The following PTPRK variants were observed in gnomAD, a reference collection of about 807,000 sequenced individuals.
The protein encoded by PTPRK is receptor-type tyrosine-protein phosphatase kappa.
PTPRK carries 75 observed loss-of-function variants against 178.0 expected under a neutral mutation model. That is an observed-to-expected ratio of 0.42 (90% confidence interval 0.35 to 0.51). The LOEUF (loss-of-function observed/expected upper bound fraction) is 0.51, where lower values mean the gene tolerates loss of function less well. Among genes scored for constraint, PTPRK ranks in the 20% least tolerant of loss-of-function variants. PTPRK has a pLI of 0.02. For synonymous variants in PTPRK, 637 were observed against 620.6 expected (o/e 1.03, Z -0.39); for missense variants, 1,441 against 1,797.8 (o/e 0.80, Z 3.59).
chr6:128,103,981 C>T (rs1461129649), intron 7 of PTPRK, among the ~76,000 whole-genome samples: 1 of 152,164 alleles, frequency 6.6e-6, no homozygotes, highest in East Asian at 1.9e-4. Context: ...TTGCTTGCTC[C>T]GTTCAAACAT....
At chr6:128,006,844 T>C (rs1778486061) in intron 14 of PTPRK, among the ~76,000 whole-genome samples, 2 of 150,960 alleles carry the variant, frequency 1.3e-5, no homozygotes, top group Admixed American at 1.3e-4. Flanking sequence ...AAAACTTACT[T>C]TATACATATC....
rs773698981 is a variant in PTPRK at position 128,038,874 on chromosome 6, TATC to T, written c.2194+25881_2194+25883del. Among the ~76,000 whole-genome samples the T allele has an allele frequency of 3.3e-5, 5 of 152,340 alleles. No homozygotes were observed. In the East Asian group the frequency reaches 5.8e-4, roughly 18 times the overall value. ...GCAACAATTTTACAACAAGCAGTGT[TATC>T]ATTAACTGAATCATGTTATGATGAA... On this transcript the variant is annotated intron_variant, in intron 13 of 29. Coordinates refer to ENST00000368226, the MANE Select transcript of PTPRK (RefSeq NM_002844.4).
intron 3 of PTPRK, among the ~76,000 whole-genome samples, chr6:128,248,295 ACATATATGTG>A: frequency 6.6e-6 from 1 of 152,198 alleles, no homozygotes; most frequent in Non-Finnish European, 1.5e-5. Flanking sequence ...TATACACATT[ACATATATGTG>A]CATATATATA....
chr6:128,319,667 C>T lies in PTPRK; in HGVS notation c.495+2372G>A, dbSNP rs1159938945. On this transcript the variant is annotated intron_variant, in intron 3 of 29. Transcript: ENST00000368226. ...TAAAACACCAATCAAAAAATTCTAC[C>T]GTGTTTTGCCAGCAAACCAGCACTT... is the stretch of plus-strand genomic sequence containing the variant. Among the ~76,000 whole-genome samples, 6 of 152,030 alleles carry T rather than the reference C, an allele frequency of 3.9e-5. No individual in the cohort carries two copies. The East Asian group carries it at 7.7e-4, about 19-fold the overall frequency.
intron 1 of PTPRK, among the ~76,000 whole-genome samples, chr6:128,439,014 G>A (rs1473078067): frequency 1.3e-5 from 2 of 152,088 alleles, no homozygotes; most frequent in African/African-American, 4.8e-5. Context: ...TTAAACAGTG[G>A]AATAATACCA....
chr6:128,519,072 TCTGGCCACCA>T lies in PTPRK; in HGVS notation c.100+1177_100+1186del. 1.9e-6 allele frequency: 1 copy of T among 532,518 alleles called. No homozygotes were observed. Among genetic ancestry groups the T allele is most frequent in the South Asian group, 1.4e-5 (1 of 71,194 alleles). The allele number at this position is 532,518 out of a possible 1,614,324, so 33.0% of individuals were successfully genotyped here. ...GCTTTTCCCGTCTTCTCCATCACCC[TCTGGCCACCA>T]CTGCGTCTCCATCTGCACCGCGAAC... On this transcript the variant is annotated intron_variant, in intron 1 of 29. Coordinates refer to ENST00000368226, the MANE Select transcript of PTPRK (RefSeq NM_002844.4). This position sits in a 1 kb window ranked among gnomAD's most constrained non-coding sequence, Gnocchi z 4.3.
At chr6:128,289,558 T>A (rs1823039506) in intron 3 of PTPRK, among the ~76,000 whole-genome samples, 2 of 152,170 alleles carry the variant, frequency 1.3e-5, no homozygotes, top group Non-Finnish European at 2.9e-5. Flanking sequence ...AAAAATCATA[T>A]TTTTAATAAA....
chr6:128,472,142 T>A (rs1431720877), intron 1 of PTPRK, among the ~76,000 whole-genome samples: 1 of 152,146 alleles, frequency 6.6e-6, no homozygotes, highest in East Asian at 1.9e-4. Context: ...CCAGAGAGGA[T>A]AAAGCCAAGT....
intron 6 of PTPRK, among the ~76,000 whole-genome samples, chr6:128,204,743 G>C (rs1439115721): frequency 6.6e-6 from 1 of 152,032 alleles, no homozygotes. Context: ...AGTCAGAATG[G>C]TGATTATCGA....
intron 1 of PTPRK, among the ~76,000 whole-genome samples, chr6:128,451,937 G>A (rs1222556539): frequency 6.6e-6 from 1 of 152,140 alleles, no homozygotes; most frequent in African/African-American, 2.4e-5. Context: ...ATGAAAATAT[G>A]CTTTTCATAT....
chr6:127,993,982 G>C lies in PTPRK; in HGVS notation c.2845-1273C>G, dbSNP rs189978820. Among the ~76,000 whole-genome samples, 783 of 151,552 alleles carry C rather than the reference G, an allele frequency of 5.2e-3. 4 individuals are homozygous for C. The highest frequency in any genetic ancestry group is 0.018 in the African/African-American group (730 of 41,460). On this transcript the variant is annotated intron_variant, in intron 18 of 29. Transcript: ENST00000368226. The stretch of plus-strand genomic sequence containing the variant: ...CAGAAAACCCAGGTTAAACTAAATA[G>C]GTAAGAACAATTACAAATTTGTCAT...
chr6:128,300,026 G>T (rs1381588042), intron 3 of PTPRK, among the ~76,000 whole-genome samples: 1 of 151,852 alleles, frequency 6.6e-6, no homozygotes, highest in Non-Finnish European at 1.5e-5. Context: ...AAATTTACAA[G>T]AAAAAAACAA....
chr6:128,193,288 A>C (rs1370464762), intron 6 of PTPRK, among the ~76,000 whole-genome samples: 1 of 151,012 alleles, frequency 6.6e-6, no homozygotes. Flanking sequence ...GTGAAAAAAA[A>C]AAAAAAAAAA....
At chr6:128,419,430 G>C (rs1189280503) in intron 1 of PTPRK, among the ~76,000 whole-genome samples, 1 of 145,696 alleles carries the variant, frequency 6.9e-6, no homozygotes, top group Non-Finnish European at 1.5e-5. Flanking sequence ...GGCTAACACG[G>C]TGAAACCCCG....
At chr6:128,318,641 T>C (rs542558074) in intron 3 of PTPRK, among the ~76,000 whole-genome samples, 4 of 152,310 alleles carry the variant, frequency 2.6e-5, no homozygotes, top group African/African-American at 9.6e-5. Flanking sequence ...CTAATAGTTT[T>C]GCAAGTTACA....
intron 13 of PTPRK, among the ~76,000 whole-genome samples, chr6:128,027,347 C>T (rs1423770418): frequency 2.6e-5 from 4 of 151,986 alleles, no homozygotes; most frequent in African/African-American, 4.8e-5. Context: ...TGAAGAAATA[C>T]GTATATTGGG....
chr6:128,278,490 T>G (rs1821144843), intron 3 of PTPRK, among the ~76,000 whole-genome samples: 1 of 152,082 alleles, frequency 6.6e-6, no homozygotes, highest in Non-Finnish European at 1.5e-5. Flanking sequence ...ATAAAGCATT[T>G]GAAAGAATCT....
intron 13 of PTPRK, among the ~76,000 whole-genome samples, chr6:128,044,848 T>C (rs1777792145): frequency 6.6e-6 from 1 of 152,042 alleles, no homozygotes; most frequent in South Asian, 2.1e-4. Context: ...TGTATATATA[T>C]ATAGTATACA....
chr6:128,480,997 G>A lies in PTPRK; in HGVS notation c.100+39262C>T, dbSNP rs373829773. Reference sequence around the variant, plus strand: ...GTCACATTCTTACCAACATATCTCCGCTACTAGATTGGTACACATACCATA... The same window carrying A: ...GTCACATTCTTACCAACATATCTCCACTACTAGATTGGTACACATACCATA... On this transcript the variant is annotated intron_variant, in intron 1 of 29. Transcript: ENST00000368226. 1.5e-3 allele frequency among the ~76,000 whole-genome samples: 231 copies of A among 151,430 alleles called. 6 individuals are homozygous for A. The South Asian group carries it at 0.045, about 29-fold the overall frequency.
Sources: gnomAD v4.1 joint callset for allele counts (sites outside exome capture counted in the v4.1 genomes callset) on GRCh38, gnomAD v4.1.1 for gene constraint, Gnocchi (gnomAD v3.1) non-coding constraint, MANE v1.5 for transcripts, NCBI Gene and HGNC (gene_info 2026-07-23, HGNC 2026-07-21) for gene names.